The following SEC23B variants were observed in gnomAD, a reference collection of about 807,000 sequenced individuals.
SEC23B encodes the protein SEC23 homolog B, COPII component.
Under a neutral mutation model 104.3 loss-of-function variants are expected in SEC23B, and 77 were observed. The ratio of observed to expected loss-of-function variants is 0.74; its 90% confidence interval spans 0.61 to 0.89. SEC23B has a LOEUF of 0.89. Ranked by LOEUF, SEC23B falls within the 40% of genes least tolerant of loss-of-function variation. The pLI is 0.00. For missense variants in SEC23B, 885 were observed against 949.4 expected, an observed-to-expected ratio of 0.93 and a Z score of 0.89; for synonymous variants, 338 against 332.5, an observed-to-expected ratio of 1.02 and a Z score of -0.18.
In SEC23B at chr20:18,543,139, G is replaced by C. The variant is rs751013308; in HGVS notation, c.1632G>C (p.Val544=). Residue 544 remains valine, a synonymous_variant, in exon 14 of 20, where the codon GTG becomes GTC. Coordinates refer to ENST00000650089, the MANE Select transcript of SEC23B (RefSeq NM_006363.6). ...FRAESEEGPD[V]LRWLDRQLIR... ...CGGAGTCAGAGGAGGGGCCCGATGT[G>C]CTCCGGTGGCTGGACCGACAACTCA... The C allele has an allele frequency of 1.2e-6, 2 of 1,614,172 alleles. No individual in the cohort carries two copies. Among genetic ancestry groups the C allele is most frequent in the African/African-American group, 1.3e-5 (1 of 75,040 alleles).
chr20:18,541,925 T>A (rs1339555324), intron 12 of SEC23B, among the ~76,000 whole-genome samples: 4 of 152,214 alleles, frequency 2.6e-5, no homozygotes, highest in Non-Finnish European at 4.4e-5. Context: ...CATGTCTGTG[T>A]TTGTTTAATG....
chr20:18,546,153 A>G, intron 15 of SEC23B, 120 bp downstream of exon 15: 1 of 699,020 alleles, frequency 1.4e-6, no homozygotes, highest in South Asian at 1.6e-5. Flanking sequence ...TAGGTGACAG[A>G]GATTGTTCAA....
chr20:18,507,927 C>G (rs1403852111), upstream of SEC23B: 2 of 152,624 alleles, frequency 1.3e-5, no homozygotes, highest in African/African-American at 2.4e-5. Context: ...GCGGTGGGAG[C>G]CGGAGCCTGC....
At chr20:18,526,248 G>A (rs1472382325) in intron 7 of SEC23B, 125 bp from the exon 8 acceptor site, 26 of 1,093,244 alleles carry the variant, frequency 2.4e-5, no homozygotes, top group Non-Finnish European at 4.1e-6. Context: ...GTATTATTCT[G>A]CATTATCACC....
At chr20:18,508,708 A>C (rs2059954124) in intron 1 of SEC23B, among the ~76,000 whole-genome samples, 2 of 131,118 alleles carry the variant, frequency 1.5e-5, no homozygotes, top group Admixed American at 1.7e-4. Flanking sequence ...AGATGGAGGC[A>C]GTAGCTTCTT....
chr20:18,526,457 G>A lies in SEC23B; in HGVS notation c.919G>A (p.Glu307Lys). ...AGGGCCTGGCATGGTGGTTGGAGAT[G>A]AATTAAAGATTCCTATTCGTTCTTG... ...TQGPGMVVGD[E>K]LKIPIRSWHD... The change falls in exon 8 of 20, where the codon GAA (glutamate) becomes AAA (lysine). Residue 307 changes from glutamate (E) to lysine (K), a missense_variant. Physicochemically the swap from Glu to Lys is moderately conservative, Grantham distance 56 (BLOSUM62 1). Transcript: ENST00000650089. The A allele has an allele frequency of 6.2e-7, 1 of 1,614,172 alleles. No homozygotes were observed. Among genetic ancestry groups the A allele is most frequent in the Non-Finnish European group, 8.5e-7 (1 of 1,180,012 alleles).
intron 4 of SEC23B, among the ~76,000 whole-genome samples, chr20:18,522,476 G>A (rs1279377996): frequency 6.6e-6 from 1 of 152,194 alleles, no homozygotes; most frequent in African/African-American, 2.4e-5. Flanking sequence ...AGAGAGGCTG[G>A]AGAAGAGAGT....
chr20:18,548,446 T>C (rs1007268173), intron 15 of SEC23B, among the ~76,000 whole-genome samples, 163 bp from the exon 16 acceptor site: 1 of 152,206 alleles, frequency 6.6e-6, no homozygotes, highest in Non-Finnish European at 1.5e-5. Context: ...TCAGTTTTCC[T>C]CTTTCCCTAG....
chr20:18,530,389 T>C (rs886817060), intron 9 of SEC23B, among the ~76,000 whole-genome samples: 6 of 151,914 alleles, frequency 3.9e-5, no homozygotes, highest in Non-Finnish European at 7.4e-5. Flanking sequence ...GTAGCTGGGA[T>C]TGTGGCTACT....
intron 18 of SEC23B, among the ~76,000 whole-genome samples, chr20:18,554,826 C>CAAAAAA (rs34982139): frequency 8.3e-6 from 1 of 120,272 alleles, no homozygotes; most frequent in Non-Finnish European, 1.7e-5. Context: ...GACTCCGTCT[C>CAAAAAA]AAAAAAAAAA....
At chr20:18,517,173 C>T (rs988385465) in intron 4 of SEC23B, among the ~76,000 whole-genome samples, 22 of 152,306 alleles carry the variant, frequency 1.4e-4, no homozygotes, top group African/African-American at 5.1e-4. Flanking sequence ...GTGTGAGCAA[C>T]AAGGCTCTTG....
upstream of SEC23B, chr20:18,507,891 A>C (rs982008219): frequency 6.6e-6 from 1 of 152,288 alleles, no homozygotes; most frequent in Admixed American, 6.5e-5. Flanking sequence ...GCGCTGGCCA[A>C]TCGGTTGAGA....
chr20:18,526,465 G>T lies in SEC23B; in HGVS notation c.927G>T (p.Lys309Asn). ...GPGMVVGDEL[K>N]IPIRSWHDIE... is the part of the protein sequence containing the mutation. The stretch of plus-strand genomic sequence containing the variant: ...GCATGGTGGTTGGAGATGAATTAAA[G>T]ATTCCTATTCGTTCTTGGCATGATA... Residue 309 changes from lysine to asparagine, a missense_variant, in exon 8 of 20, where the codon AAG becomes AAT. By Grantham distance (94) the Lys-to-Asn change is moderately conservative. Coordinates refer to ENST00000650089, the MANE Select transcript of SEC23B (RefSeq NM_006363.6). The T allele has an allele frequency of 1.2e-6, 2 of 1,614,176 alleles. No homozygotes were observed. Among genetic ancestry groups the T allele is most frequent in the Non-Finnish European group, 1.7e-6 (2 of 1,180,030 alleles).
chr20:18,526,221 TTTCTGCATTATCATCTGTATTA>T (rs2060132713), intron 7 of SEC23B, 130 bp from the exon 8 acceptor site: 1 of 950,098 alleles, frequency 1.1e-6, no homozygotes, highest in Admixed American at 2.0e-5. Context: ...AAGTGCTGCT[TTTCTGCATTATCATCTGTATTA>T]TTCTGCATTA....
intron 3 of SEC23B, among the ~76,000 whole-genome samples, chr20:18,512,726 G>A (rs993926768): frequency 6.6e-6 from 1 of 152,138 alleles, no homozygotes; most frequent in African/African-American, 2.4e-5. Context: ...ACTAGAAGGA[G>A]CTCACAAATC....
chr20:18,540,548 T>C (rs1186221852), intron 12 of SEC23B, among the ~76,000 whole-genome samples: 2 of 152,178 alleles, frequency 1.3e-5, no homozygotes, highest in Non-Finnish European at 2.9e-5. Context: ...TAAATGAGCA[T>C]TGGCTTCAAC....
intron 19 of SEC23B, among the ~76,000 whole-genome samples, chr20:18,556,146 G>C (rs554967311): frequency 4.5e-4 from 69 of 152,216 alleles, no homozygotes; most frequent in African/African-American, 1.6e-3. Flanking sequence ...TGCACGTGAT[G>C]GGGGAGCAGC....
At chr20:18,541,051 C>G (rs1386108528) in intron 12 of SEC23B, among the ~76,000 whole-genome samples, 1 of 152,360 alleles carries the variant, frequency 6.6e-6, no homozygotes, top group East Asian at 1.9e-4. Context: ...ATCTGAATAA[C>G]TTGCAGCAGT....
At chr20:18,519,618 T>C (rs902919445) in intron 4 of SEC23B, among the ~76,000 whole-genome samples, 1 of 151,876 alleles carries the variant, frequency 6.6e-6, no homozygotes, top group African/African-American at 2.4e-5. Context: ...AGGGTTGGGA[T>C]GAGTTAGGGA....
Sources: allele counts gnomAD v4.1 joint callset (sites outside exome capture counted in the v4.1 genomes callset), GRCh38; gene constraint gnomAD v4.1.1; transcripts MANE v1.5; gene names NCBI Gene and HGNC (gene_info 2026-07-23, HGNC 2026-07-21).